The following CEACAM5 variants were observed in gnomAD, a reference collection of about 807,000 sequenced individuals.
The protein encoded by CEACAM5 is CEA cell adhesion molecule 5.
Under a neutral mutation model 63.0 loss-of-function variants are expected in CEACAM5, and 52 were observed. That is an observed-to-expected ratio of 0.83 (90% CI 0.66 to 1.04). CEACAM5 has a LOEUF of 1.04. Ranked by LOEUF, CEACAM5 falls within the 50% of genes least tolerant of loss-of-function variation. The pLI, the probability that CEACAM5 is intolerant of heterozygous loss-of-function variation, is 0.00. For missense variants in CEACAM5, 790 were observed against 864.8 expected (o/e 0.91, Z 1.08); for synonymous variants, 357 against 351.3 (o/e 1.02, Z -0.18).
chr19:41,713,260 G>A (rs1212554657), intron 2 of CEACAM5, among the ~76,000 whole-genome samples: 3 of 152,054 alleles, frequency 2.0e-5, no homozygotes, highest in Non-Finnish European at 2.9e-5. Context: ...AGCTGAGATC[G>A]TGCCACTGCA....
intron 2 of CEACAM5, 137 bp from the exon 3 acceptor site, chr19:41,714,834 T>A: frequency 6.8e-7 from 1 of 1,463,702 alleles, no homozygotes; most frequent in Non-Finnish European, 9.2e-7. Flanking sequence ...GCATCTGTCT[T>A]GTGACACATG....
chr19:41,726,555 T>A (rs1427710281), intron 8 of CEACAM5, among the ~76,000 whole-genome samples: 1 of 152,118 alleles, frequency 6.6e-6, no homozygotes, highest in African/African-American at 2.4e-5. Flanking sequence ...AGGTGCAAGA[T>A]AATTTACCGG....
At chr19:41,710,758 G>T (rs956629434) in intron 2 of CEACAM5, among the ~76,000 whole-genome samples, 14 of 152,210 alleles carry the variant, frequency 9.2e-5, no homozygotes, top group African/African-American at 3.1e-4. Context: ...GCTCCCGGCA[G>T]CTCCTTGTCC....
intron 8 of CEACAM5, among the ~76,000 whole-genome samples, chr19:41,722,411 A>G (rs1296120226): frequency 1.3e-5 from 2 of 151,676 alleles, no homozygotes; most frequent in Non-Finnish European, 2.9e-5. Flanking sequence ...TTTTATACTC[A>G]TGTCTAACCA....
Position 41,715,884 on chromosome 19 carries a change from T to A in CEACAM5, c.938T>A (p.Val313Asp). The change falls in exon 4 of 10, where the codon GTC becomes GAC. Residue 313 changes from valine to aspartate, a missense_variant. Coordinates refer to ENST00000221992, the MANE Select transcript of CEACAM5 (RefSeq NM_004363.6). ...NSDTGLNRTT[V>D]TTITVYAEPP... ...GACACTGGCCTCAATAGGACCACAG[T>A]CACGACGATCACAGTCTATGGTAAG... The A allele has an allele frequency of 6.2e-7, 1 of 1,614,088 alleles. No individual in the cohort carries two copies.
In CEACAM5 at chr19:41,723,738, G is replaced by A. The variant is rs1017793359; in HGVS notation, c.2026+2562G>A. The stretch of plus-strand genomic sequence containing the variant: ...CGAGGCAGGTAGATTACAAGGTCAG[G>A]AGATCAAGACCATCCTGGCTAACAC... On this transcript the variant is annotated intron_variant, in intron 8 of 9. Coordinates refer to ENST00000221992, the MANE Select transcript of CEACAM5 (RefSeq NM_004363.6). 5.3e-5 allele frequency among the ~76,000 whole-genome samples: 8 copies of A among 151,906 alleles called. No individual in the cohort carries two copies. In the East Asian group the frequency reaches 1.2e-3, roughly 22 times the overall value.
intron 3 of CEACAM5, 200 bp downstream of exon 3, chr19:41,715,449 C>T (rs782692130): frequency 8.0e-6 from 9 of 1,124,130 alleles, no homozygotes; most frequent in African/African-American, 1.5e-5. Flanking sequence ...CTGCTTCTGT[C>T]CTGGGAGGCT....
intron 2 of CEACAM5, among the ~76,000 whole-genome samples, chr19:41,714,713 C>T (rs117488924): frequency 0.019 from 2,916 of 152,298 alleles, 54 homozygotes; most frequent in Admixed American, 0.053. Flanking sequence ...CCCCCCCAGT[C>T]CTGTGTCTGT....
chr19:41,714,196 AT>A (rs1301895472), intron 2 of CEACAM5, among the ~76,000 whole-genome samples: 2 of 152,154 alleles, frequency 1.3e-5, no homozygotes, highest in African/African-American at 4.8e-5. Context: ...GCAAGACTCC[AT>A]CTCAAAAAAC....
chr19:41,723,085 T>A (rs1186608372), intron 8 of CEACAM5, among the ~76,000 whole-genome samples: 4 of 152,098 alleles, frequency 2.6e-5, no homozygotes, highest in African/African-American at 4.8e-5. Context: ...TTTTTTTTTT[T>A]TTATTTTTAG....
chr19:41,714,871 A>G (rs2122786844), intron 2 of CEACAM5, 100 bp from the exon 3 acceptor site: 1 of 1,575,418 alleles, frequency 6.3e-7, no homozygotes, highest in South Asian at 1.2e-5. Context: ...TTAAGGGCTC[A>G]GGTGGGCTGA....
chr19:41,727,110 TA>T, intron 8 of CEACAM5, 123 bp from the exon 9 acceptor site: 2 of 797,678 alleles, frequency 2.5e-6, no homozygotes, highest in Non-Finnish European at 2.2e-6. Context: ...CCCACAAAAC[TA>T]ATGCATTCCT....
intron 1 of CEACAM5, among the ~76,000 whole-genome samples, chr19:41,709,072 T>C (rs1387934136): frequency 6.6e-6 from 1 of 152,210 alleles, no homozygotes. Context: ...AATAAAAACA[T>C]AACCAGGGCA....
intron 6 of CEACAM5, 142 bp from the exon 7 acceptor site, chr19:41,719,788 T>A: frequency 6.9e-7 from 1 of 1,451,828 alleles, no homozygotes; most frequent in South Asian, 1.3e-5. Context: ...ATCGTACATC[T>A]GTCTTGTGAT....
chr19:41,715,673 T>C lies in CEACAM5; in HGVS notation c.727T>C (p.Ser243Pro). The change falls in exon 4 of 10, where the codon TCC becomes CCC. Residue 243 changes from serine to proline, a missense_variant. Coordinates refer to ENST00000221992, the MANE Select transcript of CEACAM5 (RefSeq NM_004363.6). ...AGATGGCCCGGATGCCCCCACCATT[T>C]CCCCTCTAAACACATCTTACAGATC... ...VLYGPDAPTI[S>P]PLNTSYRSGE... is the part of the protein sequence containing the mutation. The C allele has an allele frequency of 6.2e-7, 1 of 1,614,084 alleles. No homozygotes were observed. Among genetic ancestry groups the C allele is most frequent in the Non-Finnish European group, 8.5e-7 (1 of 1,180,008 alleles).
chr19:41,710,166 T>TA, intron 2 of CEACAM5, 127 bp downstream of exon 2: 1 of 1,347,980 alleles, frequency 7.4e-7, no homozygotes, highest in Non-Finnish European at 1.0e-6. Context: ...TTTGGGCATT[T>TA]AGTGCAGGAT....
chr19:41,725,371 T>C (rs1337517647), intron 8 of CEACAM5, among the ~76,000 whole-genome samples: 2 of 148,190 alleles, frequency 1.3e-5, no homozygotes, highest in Admixed American at 6.7e-5. Context: ...TTTTTTTTCT[T>C]TTTTTTTTTT....
intron 2 of CEACAM5, among the ~76,000 whole-genome samples, chr19:41,711,517 A>T (rs1171773495): frequency 6.6e-6 from 1 of 152,124 alleles, no homozygotes; most frequent in Non-Finnish European, 1.5e-5. Flanking sequence ...TTCCGTGTCC[A>T]TCAGGGGCTG....
chr19:41,714,850 A>T (rs2072493539), intron 2 of CEACAM5, 121 bp from the exon 3 acceptor site: 3 of 1,540,768 alleles, frequency 1.9e-6, no homozygotes, highest in Non-Finnish European at 2.6e-6. Context: ...ACATGCACCC[A>T]CCGTGGGTTT....
Sources: gnomAD v4.1 joint callset for allele counts (sites outside exome capture counted in the v4.1 genomes callset) on GRCh38, gnomAD v4.1.1 for gene constraint, MANE v1.5 for transcripts, NCBI Gene and HGNC (gene_info 2026-07-23, HGNC 2026-07-21) for gene names.